The following QRICH1 variants were observed in gnomAD, a reference collection of about 807,000 sequenced individuals.
QRICH1 encodes the protein transcriptional regulator QRICH1.
In QRICH1, 16 loss-of-function variants were observed where a neutral mutation model predicts 87.1. The observed-to-expected ratio is 0.18, with a 90% CI of 0.12 to 0.28. The LOEUF is 0.28. QRICH1 is among the 10% of genes least tolerant of loss of function. QRICH1 has a pLI of 1.00. For missense variants in QRICH1, 647 were observed against 951.7 expected (o/e 0.68, Z 4.21); for synonymous variants, 367 against 368.4 (o/e 1.00, Z 0.05).
intron 6 of QRICH1, among the ~76,000 whole-genome samples, chr3:49,034,079 T>TTTTTTATTATTATTATTA (rs1553739007): frequency 6.8e-6 from 1 of 147,184 alleles, no homozygotes; most frequent in African/African-American, 2.5e-5. Flanking sequence ...TTTGGGGGAT[T>TTTTTTATTATTATTATTA]TTATTATTAT....
intron 6 of QRICH1, among the ~76,000 whole-genome samples, chr3:49,041,985 C>T (rs1023816036): frequency 6.6e-6 from 1 of 150,380 alleles, no homozygotes; most frequent in African/African-American, 2.4e-5. Context: ...GTTGGCCAGG[C>T]TGGTGTCGGA....
intron 3 of QRICH1, among the ~76,000 whole-genome samples, chr3:49,052,147 A>C (rs753386194): frequency 1.6e-4 from 24 of 152,116 alleles, no homozygotes; most frequent in Non-Finnish European, 3.1e-4. Flanking sequence ...AGTGGAGATG[A>C]TATAAGAGAT....
At chr3:49,043,593 C>G (rs1312178024) in intron 6 of QRICH1, among the ~76,000 whole-genome samples, 1 of 150,464 alleles carries the variant, frequency 6.6e-6, no homozygotes, top group African/African-American at 2.5e-5. Context: ...CTTTGGGAGG[C>G]CGAGGTGGGC....
Position 49,047,261 on chromosome 3 carries a change from C to T in QRICH1, c.1339-15G>A, listed in dbSNP as rs1305967565. The T allele has an allele frequency of 1.3e-6, 2 of 1,594,248 alleles. No homozygotes were observed. The highest frequency in any genetic ancestry group is 1.7e-6 in the Non-Finnish European group (2 of 1,168,582). On this transcript the variant is annotated splice_polypyrimidine_tract_variant and intron_variant, in intron 3 of 9. Transcript: ENST00000395443. ...ACAGTTTGAGCCTATAGGAGAGAAACCATGAAAATGTGTCAATATTGTTTT... is the reference window on the plus strand; with the variant it reads ...ACAGTTTGAGCCTATAGGAGAGAAATCATGAAAATGTGTCAATATTGTTTT...
intron 2 of QRICH1, among the ~76,000 whole-genome samples, chr3:49,070,025 C>T (rs1257305519): frequency 1.3e-5 from 2 of 151,918 alleles, no homozygotes; most frequent in African/African-American, 4.8e-5. Flanking sequence ...TTCCTACACG[C>T]ATTTGTCACC....
At chr3:49,061,010 T>C (rs1011509057) in intron 2 of QRICH1, among the ~76,000 whole-genome samples, 5 of 151,600 alleles carry the variant, frequency 3.3e-5, no homozygotes, top group Non-Finnish European at 7.4e-5. Flanking sequence ...TGGTGGTGCA[T>C]GCCTGTAATC....
intron 2 of QRICH1, among the ~76,000 whole-genome samples, chr3:49,068,245 C>T (rs1436476878): frequency 6.6e-6 from 1 of 151,800 alleles, no homozygotes; most frequent in Non-Finnish European, 1.5e-5. Context: ...TAGTCCCAGC[C>T]ACTCCAGAGG....
At chr3:49,087,818 C>CAAAAAAAAGAAA (rs2042195826) in intron 1 of QRICH1, among the ~76,000 whole-genome samples, 1 of 47,676 alleles carries the variant, frequency 2.1e-5, no homozygotes, top group Non-Finnish European at 3.4e-5. Flanking sequence ...AGGTTCATCT[C>CAAAAAAAAGAAA]AAAAAAAAAA....
At chr3:49,065,044 A>T (rs1575358502) in intron 2 of QRICH1, among the ~76,000 whole-genome samples, 1 of 152,186 alleles carries the variant, frequency 6.6e-6, no homozygotes, top group East Asian at 1.9e-4. Context: ...TAAAGCCATT[A>T]TATGTTAACA....
intron 6 of QRICH1, among the ~76,000 whole-genome samples, chr3:49,042,661 C>T (rs2093317543): frequency 6.6e-6 from 1 of 151,940 alleles, no homozygotes; most frequent in Non-Finnish European, 1.5e-5. Flanking sequence ...CAACCTCCGA[C>T]TCCCTGGTTC....
intron 1 of QRICH1, among the ~76,000 whole-genome samples, chr3:49,089,772 C>T (rs2042237998): frequency 6.6e-6 from 1 of 152,072 alleles, no homozygotes; most frequent in Admixed American, 6.6e-5. Context: ...CAAATCTAAA[C>T]TAGGTTAAGG....
chr3:49,034,434 C>T (rs2093262062), intron 6 of QRICH1, among the ~76,000 whole-genome samples: 1 of 149,996 alleles, frequency 6.7e-6, no homozygotes, highest in African/African-American at 2.5e-5. Flanking sequence ...AGAGTGAGAT[C>T]CTGTCTCAAA....
chr3:49,046,661 T>C, intron 4 of QRICH1, 82 bp from the exon 5 acceptor site: 1 of 1,466,520 alleles, frequency 6.8e-7, no homozygotes, highest in Non-Finnish European at 9.2e-7. Context: ...CCCATCAGGG[T>C]GCTGGGATAG....
intron 9 of QRICH1, 41 bp from the exon 10 acceptor site, chr3:49,030,685 A>G: frequency 1.4e-6 from 2 of 1,466,328 alleles, no homozygotes; most frequent in Non-Finnish European, 1.8e-6. Context: ...CACCAATATA[A>G]CTTCAACCCT....
Position 49,032,728 on chromosome 3 carries a change from G to A in QRICH1, c.1941C>T (p.Phe647=). The A allele has an allele frequency of 6.2e-7, 1 of 1,610,622 alleles. No individual in the cohort carries two copies. Among genetic ancestry groups the A allele is most frequent in the Non-Finnish European group, 8.5e-7 (1 of 1,178,990 alleles). ...KTVDQHMKLA[F]SKVLRQTKKN... ...TCTTTGTCTGTCGCAAGACCTTGGA[G>A]AAGGCCAGCTTCATGTGCTGGTCCA... The change falls in exon 8 of 10, where the codon TTC becomes TTT. Residue 647 remains phenylalanine (F), a synonymous_variant. Transcript: ENST00000395443.
chr3:49,074,395 ACC>A (rs1188211772), intron 2 of QRICH1, among the ~76,000 whole-genome samples: 2 of 150,534 alleles, frequency 1.3e-5, no homozygotes, highest in Non-Finnish European at 3.0e-5. Flanking sequence ...ACATGGTGAA[ACC>A]CCGTCTCTAC....
At chr3:49,088,980 C>T (rs2042222150) in intron 1 of QRICH1, among the ~76,000 whole-genome samples, 2 of 151,986 alleles carry the variant, frequency 1.3e-5, no homozygotes, top group South Asian at 2.1e-4. Context: ...AGAAGTTATC[C>T]CATTAGGCCA....
chr3:49,053,895 T>G (rs577602513), intron 3 of QRICH1, among the ~76,000 whole-genome samples: 14 of 152,288 alleles, frequency 9.2e-5, no homozygotes, highest in South Asian at 2.1e-4. Context: ...GCATGTGCTG[T>G]AAAGTGGTCC....
intron 3 of QRICH1, among the ~76,000 whole-genome samples, chr3:49,051,582 G>A (rs979066863): frequency 1.4e-4 from 2 of 14,562 alleles, no homozygotes; most frequent in Non-Finnish European, 2.5e-4. Context: ...AACCCCCCCT[G>A]CGCCCCCCCC....
Sources: gnomAD v4.1 joint callset for allele counts (sites outside exome capture counted in the v4.1 genomes callset) on GRCh38, gnomAD v4.1.1 for gene constraint, MANE v1.5 for transcripts, NCBI Gene and HGNC (gene_info 2026-07-23, HGNC 2026-07-21) for gene names.